TBCK: variants seen among roughly 807,000 people sequenced by gnomAD.
TBCK encodes TBC1 domain containing kinase.
TBCK carries 99 observed loss-of-function variants against 113.4 expected under a neutral mutation model. The observed-to-expected ratio is 0.87, with a 90% CI of 0.74 to 1.03. The LOEUF is 1.03. Among genes scored for constraint, TBCK ranks in the 50% least tolerant of loss-of-function variants. The pLI, the probability that TBCK is intolerant of heterozygous loss-of-function variation, is 0.00. For missense variants in TBCK, 1,045 were observed against 1,061.3 expected (o/e 0.98, Z 0.21); for synonymous variants, 369 against 370.8 (o/e 1.00, Z 0.05).
intron 12 of TBCK, among the ~76,000 whole-genome samples, chr4:106,239,504 A>G (rs1759846461): frequency 6.6e-6 from 1 of 152,076 alleles, no homozygotes; most frequent in Non-Finnish European, 1.5e-5. Flanking sequence ...GATAAAGAAT[A>G]CAAGGGATAG....
intron 23 of TBCK, among the ~76,000 whole-genome samples, chr4:106,134,731 G>A (rs957746534): frequency 1.3e-5 from 2 of 152,220 alleles, no homozygotes. Context: ...AGGCATGGGT[G>A]ACATTCTACA....
At chr4:106,287,049 C>A (rs1242640649) in intron 3 of TBCK, among the ~76,000 whole-genome samples, 2 of 152,102 alleles carry the variant, frequency 1.3e-5, no homozygotes, top group Non-Finnish European at 2.9e-5. Context: ...TAAGAGACTA[C>A]CATACTGATG....
In TBCK at chr4:106,186,009, T is replaced by C. The variant is rs190665584; in HGVS notation, c.2059+7600A>G. On this transcript the variant is annotated intron_variant, in intron 22 of 25. Transcript: ENST00000394708. ...TTGATTTTCTGTTCCTGCATAAGTA[T>C]GTTAAAGATAATGGCTTCCAGCTCC... Among the ~76,000 whole-genome samples the C allele has an allele frequency of 2.0e-4, 31 of 152,266 alleles. No homozygotes were observed. In the South Asian group the frequency reaches 3.7e-3, roughly 18 times the overall value.
At chr4:106,206,469 C>G (rs1255357816) in intron 20 of TBCK, among the ~76,000 whole-genome samples, 1 of 152,048 alleles carries the variant, frequency 6.6e-6, no homozygotes, top group Non-Finnish European at 1.5e-5. Context: ...GGATCCAATG[C>G]CAGTAGAATG....
At chr4:106,285,598 A>C (rs1765038420) in intron 3 of TBCK, among the ~76,000 whole-genome samples, 2 of 152,192 alleles carry the variant, frequency 1.3e-5, no homozygotes, top group African/African-American at 2.4e-5. Flanking sequence ...CAAATATTTA[A>C]AATTTTCTTC....
In TBCK at chr4:106,230,385, T is replaced by A; in HGVS notation, c.1752A>T (p.Lys584Asn). The A allele has an allele frequency of 6.2e-7, 1 of 1,601,540 alleles. No homozygotes were observed. Among genetic ancestry groups the A allele is most frequent in the Non-Finnish European group, 8.5e-7 (1 of 1,171,358 alleles). Reference sequence around the variant, plus strand: ...TACCTTGTATTACATGTGAGTTGTCTTTTAAGAAGAAGTTATACAGGTATT... The same window carrying A: ...TACCTTGTATTACATGTGAGTTGTCATTTAAGAAGAAGTTATACAGGTATT... ...IPKYLYNFFL[K>N]DNSHVIQEYL... The change falls in exon 19 of 26, where the codon AAA becomes AAT. Residue 584 changes from lysine (K) to asparagine (N), a missense_variant. By Grantham distance (94) the Lys-to-Asn change is moderately conservative. Coordinates refer to ENST00000394708, the MANE Select transcript of TBCK (RefSeq NM_001163435.3).
At chr4:106,175,993 T>G (rs535667635) in intron 22 of TBCK, among the ~76,000 whole-genome samples, 2 of 152,104 alleles carry the variant, frequency 1.3e-5, no homozygotes, top group African/African-American at 4.8e-5. Context: ...GAACAAAACA[T>G]GAAGATGGCT....
intron 19 of TBCK, among the ~76,000 whole-genome samples, chr4:106,217,702 C>T (rs1290767536): frequency 6.7e-6 from 1 of 149,558 alleles, no homozygotes; most frequent in African/African-American, 2.4e-5. Flanking sequence ...CAAACCACTG[C>T]TCAAGGAAAT....
rs1289942779 is a variant in TBCK, at chr4:106,138,424, T to C, written c.2236-22046A>G. Among the ~76,000 whole-genome samples, 4 of 141,878 alleles carry C rather than the reference T, an allele frequency of 2.8e-5. 1 individual carries two copies. The East Asian group carries it at 8.0e-4, about 29-fold the overall frequency. 93.1% of individuals were successfully genotyped at this position (141,878 alleles called of 152,430 possible). The stretch of plus-strand genomic sequence containing the variant: ...AATACATAATACTTAATGACTCCAC[T>C]GGAGTTTCTATTTAAGGAGATTCAG... On this transcript the variant is annotated intron_variant, in intron 23 of 25. Transcript: ENST00000394708.
rs527750651 is a variant in TBCK, at chr4:106,058,851, G to A, written c.2572-12171C>T. 2.5e-4 allele frequency among the ~76,000 whole-genome samples: 38 copies of A among 151,750 alleles called. No individual in the cohort carries two copies. The South Asian group carries it at 7.7e-3, about 31-fold the overall frequency. ...CTAGTGTAGGGCAGAAGTGAGGGAT[G>A]GGAAGTTGCAGGCAGGAACAGTGGG... On this transcript the variant is annotated intron_variant, in intron 25 of 25. Coordinates refer to ENST00000394708, the MANE Select transcript of TBCK (RefSeq NM_001163435.3).
At chr4:106,095,088 C>A (rs1740752543) in intron 25 of TBCK, among the ~76,000 whole-genome samples, 1 of 152,152 alleles carries the variant, frequency 6.6e-6, no homozygotes, top group South Asian at 2.1e-4. Context: ...AATTCTCTAT[C>A]ATTAAAAAGC....
intron 23 of TBCK, among the ~76,000 whole-genome samples, chr4:106,121,875 G>C (rs1427498438): frequency 6.6e-6 from 1 of 152,018 alleles, no homozygotes; most frequent in South Asian, 2.1e-4. Flanking sequence ...ATTCAAAGCA[G>C]TGTGTAGAGG....
At chr4:106,165,015 G>T (rs1032848617) in intron 23 of TBCK, among the ~76,000 whole-genome samples, 1 of 151,576 alleles carries the variant, frequency 6.6e-6, no homozygotes, top group Non-Finnish European at 1.5e-5. Flanking sequence ...TCTTGGGTTA[G>T]TATATGTATT....
chr4:106,147,235 C>A (rs553567164), intron 23 of TBCK, among the ~76,000 whole-genome samples: 14 of 152,304 alleles, frequency 9.2e-5, no homozygotes, highest in African/African-American at 3.4e-4. Flanking sequence ...CCATGAATCA[C>A]AACTGTTCTG....
chr4:106,217,153 G>T (rs968990154), intron 19 of TBCK, among the ~76,000 whole-genome samples: 11 of 151,706 alleles, frequency 7.3e-5, no homozygotes, highest in Admixed American at 1.3e-4. Flanking sequence ...AAAGGCCTTT[G>T]ACAAAATTCA....
At chr4:106,052,620 G>A (rs540534905) in intron 25 of TBCK, among the ~76,000 whole-genome samples, 8 of 151,598 alleles carry the variant, frequency 5.3e-5, no homozygotes, top group Non-Finnish European at 1.0e-4. Flanking sequence ...TATAGTTTGT[G>A]TTACATAAGG....
intron 3 of TBCK, among the ~76,000 whole-genome samples, chr4:106,268,584 T>A (rs923250790): frequency 6.6e-6 from 1 of 152,072 alleles, no homozygotes; most frequent in South Asian, 2.1e-4. Context: ...GATGCTCAAG[T>A]TCACCCAATG....
chr4:106,163,279 G>A (rs1391768869), intron 23 of TBCK: 1 of 152,212 alleles, frequency 6.6e-6, no homozygotes, highest in African/African-American at 2.4e-5. Flanking sequence ...TAAGTCTCTA[G>A]GGAGTTCCAA....
Position 106,058,060 on chromosome 4 carries a change from T to C in TBCK, c.2572-11380A>G, listed in dbSNP as rs147068398. Among the ~76,000 whole-genome samples the C allele has an allele frequency of 2.1e-3, 320 of 151,894 alleles. 1 individual carries two copies. Among genetic ancestry groups the C allele is most frequent in the African/African-American group, 7.3e-3 (305 of 41,504 alleles). On this transcript the variant is annotated intron_variant, in intron 25 of 25. Coordinates refer to ENST00000394708, the MANE Select transcript of TBCK (RefSeq NM_001163435.3). ...AAACTATTATTTTCACATGCTTTGT[T>C]CATTAACTTAATCAATTTGCCTATC...
Sources: gnomAD v4.1 joint callset for allele counts (sites outside exome capture counted in the v4.1 genomes callset) on GRCh38, gnomAD v4.1.1 for gene constraint, MANE v1.5 for transcripts, NCBI Gene and HGNC (gene_info 2026-07-23, HGNC 2026-07-21) for gene names.